Variants in CYFIP2 observed in about 807,000 individuals in gnomAD.
The protein encoded by CYFIP2 is cytoplasmic FMR1 interacting protein 2.
In CYFIP2, 29 loss-of-function variants were observed where a neutral mutation model predicts 158.7. That is an observed-to-expected ratio of 0.18 (90% CI 0.14 to 0.25). CYFIP2 has a LOEUF of 0.25. Among genes scored for constraint, CYFIP2 ranks in the 10% least tolerant of loss-of-function variants. The pLI is 1.00. For synonymous variants in CYFIP2, 585 were observed against 617.6 expected (o/e 0.95, Z 0.78); for missense variants, 852 against 1,639.5 (o/e 0.52, Z 8.29).
intron 26 of CYFIP2, among the ~76,000 whole-genome samples, chr5:157,367,434 C>T (rs1416346397): frequency 6.6e-6 from 1 of 152,044 alleles, no homozygotes; most frequent in African/African-American, 2.4e-5. Context: ...AAACTGAGGC[C>T]CAAGAGGGAG....
chr5:157,330,951 G>T, intron 20 of CYFIP2, 101 bp downstream of exon 20: 1 of 876,850 alleles, frequency 1.1e-6, no homozygotes, highest in Non-Finnish European at 1.8e-6. Flanking sequence ...TTGTCTGCCC[G>T]GCATGTTGCC....
chr5:157,341,132 A>G lies in CYFIP2; in HGVS notation c.2648A>G (p.Gln883Arg). The change falls in exon 23 of 31, where the codon CAG becomes CGG. Residue 883 changes from glutamine (Q) to arginine (R), a missense_variant. Physicochemically the swap from Gln to Arg is conservative, Grantham distance 43 (BLOSUM62 1). Around this residue, in one of 8 missense-constraint regions of CYFIP2, gnomAD observed 191 missense variants for 311.2 expected, o/e 0.61. Transcript: ENST00000620254. ...EPQRDKPANVQPYYLYGSKPL... is the reference protein window; with the variant it reads ...EPQRDKPANVRPYYLYGSKPL... ...CAACGAGACAAACCTGCCAACGTCC[A>G]GCCTTATTACCTCTATGGATCCAAG... 1.2e-6 allele frequency: 2 copies of G among 1,614,044 alleles called. No individual in the cohort carries two copies. Among genetic ancestry groups the G allele is most frequent in the Non-Finnish European group, 8.5e-7 (1 of 1,179,880 alleles).
intron 23 of CYFIP2, among the ~76,000 whole-genome samples, chr5:157,357,112 C>A (rs1275512672): frequency 6.6e-6 from 1 of 152,134 alleles, no homozygotes; most frequent in Non-Finnish European, 1.5e-5. Context: ...TCCAGGCCTC[C>A]CAATATCTAG....
chr5:157,330,720 G>A (rs1453019259), intron 19 of CYFIP2, 22 bp from the exon 20 acceptor site: 4 of 1,602,188 alleles, frequency 2.5e-6, no homozygotes, highest in African/African-American at 2.7e-5. Flanking sequence ...TACTGGCCTT[G>A]TTTCACTTTT....
At chr5:157,378,445 G>A (rs1765699983) in intron 26 of CYFIP2, among the ~76,000 whole-genome samples, 1 of 152,276 alleles carries the variant, frequency 6.6e-6, no homozygotes. Flanking sequence ...AGTTTCTTAG[G>A]TGTTAAGATT....
At position 157,292,206 on chromosome 5, in the gene CYFIP2, CT is replaced by C. The variant is rs58005207; in HGVS notation, c.208-2570del. Among the ~76,000 whole-genome samples the C allele has an allele frequency of 4.8e-5, 7 of 147,046 alleles. No individual in the cohort carries two copies. The South Asian group carries it at 1.6e-3, about 33-fold the overall frequency. On this transcript the variant is annotated intron_variant, in intron 3 of 30. Transcript: ENST00000620254. ...TTTTCTTTCTTTCTTTTTCTTTTTT[CT>C]TTTTTTATTTTTATTTTTTTATTTT...
In CYFIP2 at chr5:157,389,395, C is replaced by A; in HGVS notation, c.3414C>A (p.Cys1138Ter). 1.2e-6 allele frequency: 2 copies of A among 1,607,680 alleles called. No homozygotes were observed. The highest frequency in any genetic ancestry group is 1.7e-5 in the Admixed American group (1 of 59,682). The change falls in exon 29 of 31, where the codon TGC (cysteine) becomes TGA (stop). Residue 1138 changes from cysteine (C) to a stop codon, truncating the protein, a stop_gained. Transcript: ENST00000620254. LOFTEE classifies it high-confidence loss of function. ...RLWSAMQFVY[C>*]IPVGTNEFTA... ...GGAGCGCCATGCAGTTCGTGTACTG[C>A]ATCCCTGTGGGAACCAACGAGTTCA...
At chr5:157,391,933 A>G (rs953367339) in intron 30 of CYFIP2, among the ~76,000 whole-genome samples, 43 of 152,138 alleles carry the variant, frequency 2.8e-4, no homozygotes, top group African/African-American at 1.0e-3. Flanking sequence ...CCTCATCAGC[A>G]CTTATTCTTT....
chr5:157,295,991 A>G (rs1758223992), intron 4 of CYFIP2, among the ~76,000 whole-genome samples: 1 of 152,190 alleles, frequency 6.6e-6, no homozygotes, highest in Admixed American at 6.5e-5. Flanking sequence ...TGGAAAGAAT[A>G]TTTCTCTCTG....
chr5:157,389,402 G>T lies in CYFIP2; in HGVS notation c.3421G>T (p.Val1141Leu). ...CATGCAGTTCGTGTACTGCATCCCT[G>T]TGGGAACCAACGAGTTCACAGCTGA... ...SAMQFVYCIPVGTNEFTAEQC... is the reference protein window; with the variant it reads ...SAMQFVYCIPLGTNEFTAEQC... Residue 1141 changes from valine to leucine, a missense_variant, in exon 29 of 31, where the codon GTG (valine) becomes TTG (leucine). Physicochemically the swap from Val to Leu is conservative, Grantham distance 32 (BLOSUM62 1). Around this residue, in one of 8 missense-constraint regions of CYFIP2, gnomAD observed 223 missense variants for 381.6 expected, o/e 0.58. Transcript: ENST00000620254. 6.2e-7 allele frequency: 1 copy of T among 1,603,556 alleles called. No individual in the cohort carries two copies.
intron 1 of CYFIP2, chr5:157,271,347 AG>A (rs1217847080): frequency 6.6e-6 from 1 of 152,206 alleles, no homozygotes; most frequent in East Asian, 1.9e-4. Flanking sequence ...TAGTGTTGGG[AG>A]GGTCCTGAGA....
intron 26 of CYFIP2, among the ~76,000 whole-genome samples, chr5:157,370,198 G>C (rs1331922426): frequency 2.0e-5 from 3 of 152,122 alleles, no homozygotes; most frequent in African/African-American, 7.2e-5. Flanking sequence ...TGTTTTAAAA[G>C]CTCCACACTT....
chr5:157,364,607 T>G (rs940579320), intron 26 of CYFIP2: 2 of 152,158 alleles, frequency 1.3e-5, no homozygotes, highest in Non-Finnish European at 2.9e-5. Context: ...CCTTGGGGGC[T>G]AGGGGTCGGG....
chr5:157,350,610 T>C (rs1162531038), intron 23 of CYFIP2, among the ~76,000 whole-genome samples: 3 of 152,218 alleles, frequency 2.0e-5, no homozygotes, highest in East Asian at 1.9e-4. Flanking sequence ...CTGTGTGGGC[T>C]CTTTTTCAGT....
Position 157,393,153 on chromosome 5 carries a change from G to C in CYFIP2, c.*153G>C. 1.4e-6 allele frequency: 1 copy of C among 701,444 alleles called. No individual in the cohort carries two copies. Among genetic ancestry groups the C allele is most frequent in the South Asian group, 2.1e-5 (1 of 46,834 alleles). The allele number at this position is 701,444 out of a possible 1,614,324, so 43.5% of individuals were successfully genotyped here. A position where few individuals can be genotyped will look rare whatever the true frequency, so the allele number is the denominator to read the frequency against. On this transcript the variant is annotated 3_prime_UTR_variant, in exon 31 of 31. Coordinates refer to ENST00000620254, the MANE Select transcript of CYFIP2 (RefSeq NM_001037333.3). Reference sequence around the variant, plus strand: ...ACACATCACCACTCCCTAGGGCGGGGCCTGTGCATGCTCTCCCATGACATC... The same window carrying C: ...ACACATCACCACTCCCTAGGGCGGGCCCTGTGCATGCTCTCCCATGACATC...
intron 5 of CYFIP2, among the ~76,000 whole-genome samples, chr5:157,299,567 A>G (rs1163022084): frequency 6.6e-6 from 1 of 152,120 alleles, no homozygotes; most frequent in African/African-American, 2.4e-5. Flanking sequence ...ACCACATTCT[A>G]ATAGATCTAT....
chr5:157,322,305 C>CCA (rs993798601), intron 15 of CYFIP2, among the ~76,000 whole-genome samples: 25 of 152,306 alleles, frequency 1.6e-4, no homozygotes, highest in African/African-American at 5.8e-4. Context: ...CTCCTGACAC[C>CCA]CACCCAGGGC....
intron 21 of CYFIP2, among the ~76,000 whole-genome samples, chr5:157,334,106 C>T (rs1312196432): frequency 3.3e-5 from 5 of 152,110 alleles, no homozygotes; most frequent in Non-Finnish European, 5.9e-5. Context: ...GGAAAATCAC[C>T]GTTAGAACAT....
chr5:157,307,893 G>A, intron 9 of CYFIP2, 28 bp downstream of exon 9: 1 of 1,323,376 alleles, frequency 7.6e-7, no homozygotes, highest in Non-Finnish European at 1.1e-6. Flanking sequence ...GGGCTGGGCA[G>A]AGGGCTGAGG....
Sources: allele counts gnomAD v4.1 joint callset (sites outside exome capture counted in the v4.1 genomes callset), GRCh38; gene constraint gnomAD v4.1.1; regional missense constraint gnomAD v4.1.1; transcripts MANE v1.5; gene names NCBI Gene and HGNC (gene_info 2026-07-23, HGNC 2026-07-21).